ZNF443: variants seen among roughly 807,000 people sequenced by gnomAD.
ZNF443 encodes the protein zinc finger protein 443, also known as Kruppel-type zinc finger (C2H2).
ZNF443 carries 3 observed loss-of-function variants against 12.0 expected under a neutral mutation model. The ratio of observed to expected loss-of-function variants is 0.25; its 90% CI spans 0.11 to 0.64. ZNF443 has a LOEUF of 0.64. Among genes scored for constraint, ZNF443 ranks in the 30% least tolerant of loss-of-function variants. The probability of loss-of-function intolerance (pLI) is 0.84; values close to 1 mark genes in which losing one functional copy is unlikely to be tolerated. For missense variants in ZNF443, 770 were observed against 808.8 expected, an observed-to-expected ratio of 0.95 and a Z score of 0.58; for synonymous variants, 225 against 265.9, an observed-to-expected ratio of 0.85 and a Z score of 1.50.
chr19:12,438,289 T>C (rs1970333637), intron 1 of ZNF443, among the ~76,000 whole-genome samples: 1 of 152,232 alleles, frequency 6.6e-6, no homozygotes, highest in South Asian at 2.1e-4. Context: ...AAGGAAATTG[T>C]AAGGCACTGA....
Position 12,430,817 on chromosome 19 carries a change from T to G in ZNF443, c.1355A>C (p.Lys452Thr). The G allele has an allele frequency of 6.2e-7, 1 of 1,614,150 alleles. No homozygotes were observed. Among genetic ancestry groups the G allele is most frequent in the Non-Finnish European group, 8.5e-7 (1 of 1,179,992 alleles). The change falls in exon 4 of 4, where the codon AAA becomes ACA. Residue 452 changes from lysine (K) to threonine (T), a missense_variant. Lys to Thr is a moderately conservative substitution (Grantham distance 78). Around this residue, in one of 3 missense-constraint regions of ZNF443, gnomAD observed 736 missense variants for 689.4 expected, o/e 1.07. Coordinates refer to ENST00000301547, the MANE Select transcript of ZNF443 (RefSeq NM_005815.5). ...THTAEKPYKC[K>T]QCGKAYRISS... is the part of the protein sequence containing the mutation. ...AATACGGTAGGCTTTGCCACATTGT[T>G]TACATTTATAGGGTTTCTCTGCAGT...
intron 1 of ZNF443, among the ~76,000 whole-genome samples, chr19:12,434,035 C>A (rs1276572570): frequency 6.6e-6 from 1 of 152,168 alleles, no homozygotes; most frequent in Admixed American, 6.5e-5. Context: ...CACCTAGAGA[C>A]TCTGCAGAGT....
In ZNF443 at chr19:12,430,579, A is replaced by C; in HGVS notation, c.1593T>G (p.Pro531=). 6.2e-7 allele frequency: 1 copy of C among 1,613,900 alleles called. No homozygotes were observed. The highest frequency in any genetic ancestry group is 8.5e-7 in the Non-Finnish European group (1 of 1,179,942). ...CTTTCCTACATGTTTTACACTCATAAGGTTTCTCTCCTGTGTGAGTCCTTT... is the reference window on the plus strand; with the variant it reads ...CTTTCCTACATGTTTTACACTCATACGGTTTCTCTCCTGTGTGAGTCCTTT... ...RHKRTHTGEK[P]YECKTCRKAF... Residue 531 remains proline, a synonymous_variant, in exon 4 of 4, where the codon CCT becomes CCG. Transcript: ENST00000301547.
chr19:12,435,789 G>A (rs1204694092), intron 1 of ZNF443, among the ~76,000 whole-genome samples: 2 of 151,570 alleles, frequency 1.3e-5, no homozygotes, highest in South Asian at 4.2e-4. Context: ...AAAGAACAGA[G>A]ATGTCAGTTT....
Position 12,430,622 on chromosome 19 carries a change from C to G in ZNF443, c.1550G>C (p.Arg517Thr). 1 of 1,613,858 alleles carries G rather than the reference C, an allele frequency of 6.2e-7. No homozygotes were observed. The highest frequency in any genetic ancestry group is 8.5e-7 in the Non-Finnish European group (1 of 1,179,922). ...KECGKAFSRF[R>T]YLSRHKRTHT... ...AGTCCTTTTATGTCGAGAAAGGTAT[C>G]TGAAACGACTGAATGCTTTCCCACA... Residue 517 changes from arginine (R) to threonine (T), a missense_variant, in exon 4 of 4, where the codon AGA becomes ACA. Physicochemically the swap from Arg to Thr is moderately conservative, Grantham distance 71 (BLOSUM62 -1). Coordinates refer to ENST00000301547, the MANE Select transcript of ZNF443 (RefSeq NM_005815.5).
chr19:12,433,676 T>C (rs1380944679), intron 1 of ZNF443, among the ~76,000 whole-genome samples: 2 of 151,810 alleles, frequency 1.3e-5, no homozygotes, highest in Admixed American at 6.6e-5. Context: ...GCCTAAATTG[T>C]TCATGCAAAA....
In ZNF443 at chr19:12,431,546, G is replaced by C. The variant is rs149854641; in HGVS notation, c.626C>G (p.Pro209Arg). The change falls in exon 4 of 4, where the codon CCC (proline) becomes CGC (arginine). Residue 209 changes from proline (P) to arginine (R), a missense_variant. Pro to Arg is a moderately radical substitution (Grantham distance 103). Around this residue, in one of 3 missense-constraint regions of ZNF443, gnomAD observed 736 missense variants for 689.4 expected, o/e 1.07. Transcript: ENST00000301547. ...CKLCGKAFFW[P>R]SLLHMHERTH... ...TCTTTCATGCATATGTAATAAACTG[G>C]GCCAAAAAAACGCTTTCCCACACAA... 1.2e-6 allele frequency: 2 copies of C among 1,613,926 alleles called. No individual in the cohort carries two copies. The highest frequency in any genetic ancestry group is 1.7e-5 in the Admixed American group (1 of 60,002).
intron 1 of ZNF443, among the ~76,000 whole-genome samples, chr19:12,438,399 A>C (rs1970334387): frequency 6.6e-6 from 1 of 152,218 alleles, no homozygotes; most frequent in African/African-American, 2.4e-5. Flanking sequence ...TATAGTAAAA[A>C]ATAATTATAT....
intron 1 of ZNF443, among the ~76,000 whole-genome samples, 192 bp downstream of exon 1, chr19:12,440,720 G>C (rs1048437270): frequency 3.3e-5 from 5 of 152,168 alleles, no homozygotes; most frequent in Admixed American, 2.0e-4. Flanking sequence ...GCGCAGGAAC[G>C]GGACAGGACG....
chr19:12,434,922 C>T (rs1256086192), intron 1 of ZNF443, among the ~76,000 whole-genome samples: 1 of 150,010 alleles, frequency 6.7e-6, no homozygotes, highest in Non-Finnish European at 1.5e-5. Context: ...TCTGTATAAG[C>T]ACTATCCAAA....
intron 3 of ZNF443, 141 bp downstream of exon 3, chr19:12,432,236 A>T (rs1970263978): frequency 2.7e-6 from 2 of 736,290 alleles, no homozygotes; most frequent in South Asian, 3.5e-5. Context: ...TGGAACATTT[A>T]AGTATATATT....
intron 1 of ZNF443, among the ~76,000 whole-genome samples, chr19:12,439,388 TG>T: frequency 6.6e-6 from 1 of 152,230 alleles, no homozygotes; most frequent in Middle Eastern, 3.4e-3. Context: ...TGGATCCAGT[TG>T]CTCCCCAGGG....
chr19:12,437,822 A>G (rs1375847795), intron 1 of ZNF443, among the ~76,000 whole-genome samples: 1 of 132,722 alleles, frequency 7.5e-6, no homozygotes, highest in Non-Finnish European at 1.6e-5. Flanking sequence ...GATGGGCATG[A>G]TGCTCATGCC....
At chr19:12,434,950 C>CTTTTT (rs34799053) in intron 1 of ZNF443, among the ~76,000 whole-genome samples, 12 of 96,104 alleles carry the variant, frequency 1.2e-4, no homozygotes, top group South Asian at 3.7e-4. Flanking sequence ...AACAAGGCTG[C>CTTTTT]TTTTTTTTTT....
chr19:12,438,059 C>T (rs1970331491), intron 1 of ZNF443, among the ~76,000 whole-genome samples: 1 of 151,602 alleles, frequency 6.6e-6, no homozygotes. Context: ...TGAGATCGTG[C>T]CACTGCACTC....
chr19:12,440,959 T>C lies in ZNF443; in HGVS notation c.-45A>G, dbSNP rs773990025. ...CCCAGGTCCTACCGACAGCTCCCGC[T>C]GCCAATGCGTGTTCCAGCCAGACAA... On this transcript the variant is annotated 5_prime_UTR_variant, in exon 1 of 4. Transcript: ENST00000301547. The C allele has an allele frequency of 1.2e-6, 2 of 1,613,946 alleles. No homozygotes were observed. The highest frequency in any genetic ancestry group is 1.7e-6 in the Non-Finnish European group (2 of 1,179,896).
At chr19:12,435,300 A>G (rs985822688) in intron 1 of ZNF443, among the ~76,000 whole-genome samples, 33 of 152,068 alleles carry the variant, frequency 2.2e-4, no homozygotes, top group Non-Finnish European at 4.1e-4. Flanking sequence ...TACTTTATCT[A>G]CAATATAACA....
rs1970238603 is a variant in ZNF443 at position 12,430,576 on chromosome 19, A to G, written c.1596T>C (p.Tyr532=). 1 of 1,613,942 alleles carries G rather than the reference A, an allele frequency of 6.2e-7. No homozygotes were observed. ...AGGCTTTCCTACATGTTTTACACTCATAAGGTTTCTCTCCTGTGTGAGTCC... is the reference window on the plus strand; with the variant it reads ...AGGCTTTCCTACATGTTTTACACTCGTAAGGTTTCTCTCCTGTGTGAGTCC... The part of the protein sequence containing the change: ...HKRTHTGEKP[Y]ECKTCRKAFG... The change falls in exon 4 of 4, where the codon TAT becomes TAC. Residue 532 remains tyrosine (Y), a synonymous_variant. Coordinates refer to ENST00000301547, the MANE Select transcript of ZNF443 (RefSeq NM_005815.5).
rs1438438478 is a variant in ZNF443 at position 12,437,349 on chromosome 19, A to G, written c.3+3563T>C. 3.3e-4 allele frequency among the ~76,000 whole-genome samples: 50 copies of G among 151,626 alleles called. 1 individual carries two copies. The highest frequency in any genetic ancestry group is 3.3e-3 in the Admixed American group (50 of 15,214). On this transcript the variant is annotated intron_variant, in intron 1 of 3. Coordinates refer to ENST00000301547, the MANE Select transcript of ZNF443 (RefSeq NM_005815.5). ...CCTGAGCCCAGGAGTTGGAGGTTAT[A>G]GTTAACTATGATTGCTCCACTGCAC...
Sources: gnomAD v4.1 joint callset for allele counts (sites outside exome capture counted in the v4.1 genomes callset) on GRCh38, gnomAD v4.1.1 for gene constraint, gnomAD v4.1.1 regional missense constraint, MANE v1.5 for transcripts, NCBI Gene and HGNC (gene_info 2026-07-23, HGNC 2026-07-21) for gene names.